Variants in BMPR1A observed in about 807,000 individuals in gnomAD.
BMPR1A encodes the protein bone morphogenetic protein receptor type 1A, also known as bone morphogenetic protein receptor type-1A.
A neutral mutation model predicts 66.0 loss-of-function variants in BMPR1A; 7 were observed. The observed-to-expected ratio is 0.11, with a 90% confidence interval of 0.06 to 0.20. The LOEUF (loss-of-function observed/expected upper bound fraction) is 0.20. Ranked by LOEUF, BMPR1A falls within the 10% of genes least tolerant of loss-of-function variation. BMPR1A has a pLI of 1.00. For synonymous variants in BMPR1A, 200 were observed against 229.7 expected, an observed-to-expected ratio of 0.87 and a Z score of 1.17; for missense variants, 408 against 669.1, an observed-to-expected ratio of 0.61 and a Z score of 4.31.
chr10:86,766,020 C>G (rs1181285315), intron 1 of BMPR1A, among the ~76,000 whole-genome samples: 2 of 110,436 alleles, frequency 1.8e-5, no homozygotes, highest in African/African-American at 6.2e-5. Context: ...AGGTCTTGTT[C>G]TGTTGCCCAG....
At position 86,903,030 on chromosome 10, in the gene BMPR1A, A is replaced by C. The variant is rs546422790; in HGVS notation, c.530+2904A>C. On this transcript the variant is annotated intron_variant, in intron 7 of 12. Coordinates refer to ENST00000372037, the MANE Select transcript of BMPR1A (RefSeq NM_004329.3). ...CTAAACATGGCTCTGGTCTCACCCT[A>C]AAAGCAAGCCCCAAACAGATCACAC... Among the ~76,000 whole-genome samples the C allele has an allele frequency of 2.6e-5, 4 of 152,312 alleles. No homozygotes were observed. In the East Asian group the frequency reaches 7.7e-4, roughly 29 times the overall value.
At chr10:86,805,770 C>T (rs1478179539) in intron 1 of BMPR1A, among the ~76,000 whole-genome samples, 1 of 152,068 alleles carries the variant, frequency 6.6e-6, no homozygotes, top group Non-Finnish European at 1.5e-5. Flanking sequence ...CTTCAGCTTT[C>T]ATTTTCTAAG....
rs1483478623 is a variant in BMPR1A at position 86,927,083 on chromosome 10, GT to G, written c.*3370del. 5.4e-6 allele frequency: 1 copy of G among 186,040 alleles called. No individual in the cohort carries two copies. Among genetic ancestry groups the G allele is most frequent in the African/African-American group, 2.3e-5 (1 of 42,672 alleles). 11.5% of individuals were successfully genotyped at this position (186,040 alleles called of 1,614,324 possible). A position where few individuals can be genotyped will look rare whatever the true frequency, so the allele number is the denominator to read the frequency against. ...TTCTAAACTTAGAAAGTGACCTATA[GT>G]TTTTTAAAATTATGTTTTCCTAGAA... is the stretch of plus-strand genomic sequence containing the variant. On this transcript the variant is annotated 3_prime_UTR_variant, in exon 13 of 13. Coordinates refer to ENST00000372037, the MANE Select transcript of BMPR1A (RefSeq NM_004329.3).
In BMPR1A at chr10:86,812,917, C is replaced by T. The variant is rs181733180; in HGVS notation, c.-267-25948C>T. 2.6e-4 allele frequency among the ~76,000 whole-genome samples: 40 copies of T among 152,266 alleles called. No individual in the cohort carries two copies. The East Asian group carries it at 6.6e-3, about 25-fold the overall frequency. On this transcript the variant is annotated intron_variant, in intron 1 of 12. Transcript: ENST00000372037. Reference sequence around the variant, plus strand: ...TGATGTCTATTCACCATTATGGTATCATAGAGAATAGTTTCACTGCCCTAT... The same window carrying T: ...TGATGTCTATTCACCATTATGGTATTATAGAGAATAGTTTCACTGCCCTAT...
intron 1 of BMPR1A, among the ~76,000 whole-genome samples, chr10:86,821,518 C>T (rs1426508303): frequency 6.6e-6 from 1 of 152,090 alleles, no homozygotes; most frequent in Non-Finnish European, 1.5e-5. Flanking sequence ...TAGGATTGCT[C>T]AGCTAGTGGG....
intron 1 of BMPR1A, among the ~76,000 whole-genome samples, chr10:86,760,381 G>GAAAAT (rs1269995084): frequency 2.0e-5 from 3 of 150,854 alleles, no homozygotes; most frequent in African/African-American, 4.9e-5. Context: ...AGCCTCCCAG[G>GAAAAT]TAGCTGGGAC....
chr10:86,855,578 T>C, intron 2 of BMPR1A: 1 of 549,250 alleles, frequency 1.8e-6, no homozygotes, highest in South Asian at 2.9e-5. Context: ...ATAGTACTTT[T>C]CAAAAAAGTA....
At chr10:86,907,315 C>T (rs1432907119) in intron 7 of BMPR1A, among the ~76,000 whole-genome samples, 2 of 152,248 alleles carry the variant, frequency 1.3e-5, no homozygotes, top group South Asian at 2.1e-4. Flanking sequence ...TTAAAATGGC[C>T]ATTATCAAAA....
At chr10:86,872,225 T>A (rs751843549) in intron 2 of BMPR1A, among the ~76,000 whole-genome samples, 1 of 152,246 alleles carries the variant, frequency 6.6e-6, no homozygotes, top group Non-Finnish European at 1.5e-5. Flanking sequence ...GTTAGTGACT[T>A]CCTTTGCCAG....
intron 1 of BMPR1A, among the ~76,000 whole-genome samples, chr10:86,804,792 GTTTTTT>G (rs5786747): frequency 1.0e-4 from 6 of 57,268 alleles, no homozygotes; most frequent in African/African-American, 4.1e-4. Flanking sequence ...GTTTGTAGGT[GTTTTTT>G]TTTTTTTTTT....
At chr10:86,796,826 G>A (rs939003265) in intron 1 of BMPR1A, among the ~76,000 whole-genome samples, 11 of 152,060 alleles carry the variant, frequency 7.2e-5, no homozygotes, top group African/African-American at 2.6e-4. Context: ...GTCCCAGTGA[G>A]CTTTTTCCAA....
intron 1 of BMPR1A, among the ~76,000 whole-genome samples, chr10:86,773,597 G>GAAAAAAAAA (rs71019429): frequency 5.0e-5 from 5 of 99,860 alleles, no homozygotes; most frequent in Non-Finnish European, 8.2e-5. Context: ...GTCTCAGAAA[G>GAAAAAAAAA]AAAAAAAAAA....
At chr10:86,814,220 T>TG (rs1420448016) in intron 1 of BMPR1A, among the ~76,000 whole-genome samples, 5 of 152,184 alleles carry the variant, frequency 3.3e-5, no homozygotes, top group African/African-American at 9.6e-5. Flanking sequence ...GGCTGGCCTC[T>TG]AATTCCTGGG....
intron 2 of BMPR1A, chr10:86,855,413 TA>T: frequency 1.4e-6 from 1 of 733,010 alleles, no homozygotes; most frequent in Non-Finnish European, 2.3e-6. Flanking sequence ...AATTTTCTGT[TA>T]AAATGCTCCA....
chr10:86,809,809 A>C (rs543680154), intron 1 of BMPR1A, among the ~76,000 whole-genome samples: 79 of 151,858 alleles, frequency 5.2e-4, no homozygotes, highest in Non-Finnish European at 1.0e-3. Flanking sequence ...GCCCCTGGTA[A>C]CCACTATAGT....
At position 86,923,896 on chromosome 10, in the gene BMPR1A, A is replaced by T; in HGVS notation, c.*177A>T. The stretch of plus-strand genomic sequence containing the variant: ...ACTCTTATTAGGATACAAGCTGGGA[A>T]CTTCTAAACACTTCATTCTTTATAT... On this transcript the variant is annotated 3_prime_UTR_variant, in exon 13 of 13. Coordinates refer to ENST00000372037, the MANE Select transcript of BMPR1A (RefSeq NM_004329.3). The T allele has an allele frequency of 3.0e-6, 2 of 669,966 alleles. No individual in the cohort carries two copies. The highest frequency in any genetic ancestry group is 3.9e-5 in the South Asian group (2 of 51,940). The allele number at this position is 669,966 out of a possible 1,614,324, so 41.5% of individuals were successfully genotyped here. A position where few individuals can be genotyped will look rare whatever the true frequency, so the allele number is the denominator to read the frequency against.
At chr10:86,911,218 G>A (rs1341991975) in intron 7 of BMPR1A, among the ~76,000 whole-genome samples, 1 of 151,500 alleles carries the variant, frequency 6.6e-6, no homozygotes, top group African/African-American at 2.4e-5. Context: ...GGATTGGAAG[G>A]TTGTCTTAAG....
At chr10:86,826,930 A>T (rs1394884734) in intron 1 of BMPR1A, among the ~76,000 whole-genome samples, 1 of 152,100 alleles carries the variant, frequency 6.6e-6, no homozygotes, top group Non-Finnish European at 1.5e-5. Context: ...AAATTGTTAA[A>T]ATATTAACAT....
chr10:86,839,516 C>T (rs1001274351), intron 2 of BMPR1A, among the ~76,000 whole-genome samples: 1 of 149,574 alleles, frequency 6.7e-6, no homozygotes, highest in African/African-American at 2.5e-5. Flanking sequence ...TTGCTTGAAC[C>T]CAGAATGCAG....
Sources: gnomAD v4.1 joint callset for allele counts (sites outside exome capture counted in the v4.1 genomes callset) on GRCh38, gnomAD v4.1.1 for gene constraint, MANE v1.5 for transcripts, NCBI Gene and HGNC (gene_info 2026-07-23, HGNC 2026-07-21) for gene names.